MGAT4C: variants seen among roughly 807,000 people sequenced by gnomAD.
MGAT4C encodes the protein alpha-1,3-mannosyl-glycoprotein 4-beta-N-acetylglucosaminyltransferase C.
MGAT4C carries 19 observed loss-of-function variants against 40.1 expected under a neutral mutation model. The observed-to-expected ratio is 0.47, with a 90% CI of 0.33 to 0.70. MGAT4C has a LOEUF of 0.70. MGAT4C is among the 30% of genes least tolerant of loss of function. MGAT4C has a pLI of 0.02. For missense variants in MGAT4C, 491 were observed against 563.2 expected, an observed-to-expected ratio of 0.87 and a Z score of 1.30; for synonymous variants, 181 against 187.1, an observed-to-expected ratio of 0.97 and a Z score of 0.27.
At chr12:86,410,436 A>G (rs1200419356) in intron 3 of MGAT4C, among the ~76,000 whole-genome samples, 1 of 152,178 alleles carries the variant, frequency 6.6e-6, no homozygotes, top group Non-Finnish European at 1.5e-5. Flanking sequence ...TCCTAATTGC[A>G]CATCCATTTA....
chr12:86,499,788 C>T (rs1958305128), intron 2 of MGAT4C, among the ~76,000 whole-genome samples: 2 of 151,844 alleles, frequency 1.3e-5, no homozygotes, highest in Non-Finnish European at 2.9e-5. Context: ...ATTAAAATAT[C>T]ATACACTCTT....
chr12:86,767,561 C>CA (rs1415023205), intron 1 of MGAT4C, among the ~76,000 whole-genome samples: 1 of 151,856 alleles, frequency 6.6e-6, no homozygotes, highest in Non-Finnish European at 1.5e-5. Flanking sequence ...GAGACACAAC[C>CA]AAAAAAGAGA....
chr12:86,605,248 A>T (rs1159574876), intron 2 of MGAT4C, among the ~76,000 whole-genome samples: 2 of 152,024 alleles, frequency 1.3e-5, no homozygotes, highest in Non-Finnish European at 2.9e-5. Flanking sequence ...TTCTTGTATA[A>T]TTGCTTCCTA....
At position 86,095,665 on chromosome 12, in the gene MGAT4C, A is replaced by G. The variant is rs1201834333; in HGVS notation, c.-56-45942T>C. On this transcript the variant is annotated intron_variant, in intron 1 of 4. Coordinates refer to ENST00000611864, the MANE Select transcript of MGAT4C (RefSeq NM_001351288.2). The stretch of plus-strand genomic sequence containing the variant: ...TTTTTTTTTCCTTCTTGTAAGGAAT[A>G]TTGGAACTCGTTGGCAACTTCTTTT... 2.7e-5 allele frequency among the ~76,000 whole-genome samples: 4 copies of G among 149,136 alleles called. No homozygotes were observed. In the East Asian group the frequency reaches 7.9e-4, roughly 29 times the overall value.
chr12:86,629,849 G>A (rs11609819), intron 2 of MGAT4C, among the ~76,000 whole-genome samples: 5,706 of 152,070 alleles, frequency 0.038, 139 homozygotes, highest in Non-Finnish European at 0.049. Context: ...AAGAACTAGA[G>A]AAGCAAGAGC....
chr12:86,025,815 G>A (rs1018979008), intron 2 of MGAT4C, among the ~76,000 whole-genome samples: 2 of 151,582 alleles, frequency 1.3e-5, no homozygotes, highest in African/African-American at 2.4e-5. Context: ...CTATTGGGAC[G>A]AGGTGTATCT....
chr12:86,389,465 T>C (rs1413697681), intron 3 of MGAT4C, among the ~76,000 whole-genome samples: 1 of 152,222 alleles, frequency 6.6e-6, no homozygotes, highest in Non-Finnish European at 1.5e-5. Flanking sequence ...TTTAGGTTGA[T>C]TCCATGTTTT....
At chr12:86,510,512 G>A (rs1012448214) in intron 2 of MGAT4C, among the ~76,000 whole-genome samples, 1 of 152,034 alleles carries the variant, frequency 6.6e-6, no homozygotes, top group Non-Finnish European at 1.5e-5. Flanking sequence ...AATGTAAATG[G>A]GCTAAATGCT....
At chr12:86,178,037 C>T (rs938420855) in intron 1 of MGAT4C, among the ~76,000 whole-genome samples, 16 of 152,160 alleles carry the variant, frequency 1.1e-4, no homozygotes, top group African/African-American at 3.6e-4. Context: ...CCTGGGTTCA[C>T]ACCATTCTCG....
At chr12:86,309,534 C>A (rs184309779) in intron 4 of MGAT4C, among the ~76,000 whole-genome samples, 1 of 152,258 alleles carries the variant, frequency 6.6e-6, no homozygotes, top group East Asian at 1.9e-4. Flanking sequence ...GAATAACTAA[C>A]CACTCCAAGG....
chr12:86,806,800 G>A (rs1952364098), intron 1 of MGAT4C, among the ~76,000 whole-genome samples: 2 of 151,854 alleles, frequency 1.3e-5, no homozygotes, highest in Non-Finnish European at 2.9e-5. Flanking sequence ...GGTGGGAATT[G>A]AACAACGAGA....
intron 2 of MGAT4C, among the ~76,000 whole-genome samples, chr12:86,490,747 G>C (rs764314441): frequency 6.6e-6 from 1 of 152,004 alleles, no homozygotes; most frequent in African/African-American, 2.4e-5. Context: ...ACAAAAAAAA[G>C]GCAGGGTTTG....
At chr12:86,094,904 T>C (rs1465020196) in intron 1 of MGAT4C, among the ~76,000 whole-genome samples, 10 of 152,102 alleles carry the variant, frequency 6.6e-5, no homozygotes, top group Admixed American at 4.6e-4. Context: ...ATTCTTCCTT[T>C]AGAAAGAGAC....
chr12:86,373,084 ACT>A (rs1413271277), intron 3 of MGAT4C, among the ~76,000 whole-genome samples: 1 of 151,718 alleles, frequency 6.6e-6, no homozygotes, highest in Non-Finnish European at 1.5e-5. Flanking sequence ...TGATATATTA[ACT>A]CATTTAATTT....
At chr12:86,349,570 G>C (rs917348792) in intron 3 of MGAT4C, among the ~76,000 whole-genome samples, 1 of 151,996 alleles carries the variant, frequency 6.6e-6, no homozygotes, top group African/African-American at 2.4e-5. Flanking sequence ...TACCATCTAG[G>C]AACGAACTAG....
chr12:86,483,950 G>A (rs1032067637), intron 2 of MGAT4C, among the ~76,000 whole-genome samples: 3 of 151,314 alleles, frequency 2.0e-5, no homozygotes, highest in African/African-American at 7.3e-5. Flanking sequence ...TATTAAAGAC[G>A]CAAGGTAAAC....
At chr12:86,504,688 T>A (rs903734465) in intron 2 of MGAT4C, among the ~76,000 whole-genome samples, 3 of 152,030 alleles carry the variant, frequency 2.0e-5, no homozygotes, top group Non-Finnish European at 2.9e-5. Context: ...AGGAAAACAA[T>A]CTTTTTTTTT....
intron 3 of MGAT4C, among the ~76,000 whole-genome samples, chr12:86,382,200 C>G (rs906594884): frequency 4.6e-5 from 7 of 152,170 alleles, no homozygotes; most frequent in African/African-American, 1.7e-4. Context: ...CAATGAAATC[C>G]AGGCTGAAGT....
intron 4 of MGAT4C, among the ~76,000 whole-genome samples, chr12:86,274,497 T>A (rs935677517): frequency 2.0e-5 from 3 of 152,156 alleles, no homozygotes; most frequent in African/African-American, 7.2e-5. Flanking sequence ...TGTAAAGCAA[T>A]AGAGGCAATC....
Sources: allele counts gnomAD v4.1 joint callset (sites outside exome capture counted in the v4.1 genomes callset), GRCh38; gene constraint gnomAD v4.1.1; transcripts MANE v1.5; gene names NCBI Gene and HGNC (gene_info 2026-07-23, HGNC 2026-07-21).